The following KLHL29 variants were observed in gnomAD, a reference collection of about 807,000 sequenced individuals.
KLHL29 encodes kelch like family member 29, also known as kelch-like protein 29.
KLHL29 carries 21 observed loss-of-function variants against 80.4 expected under a neutral mutation model. That is an observed-to-expected ratio of 0.26 (90% confidence interval 0.19 to 0.38). The LOEUF is 0.38. Ranked by LOEUF, KLHL29 falls within the 10% of genes least tolerant of loss-of-function variation. KLHL29 has a pLI of 1.00. For synonymous variants in KLHL29, 511 were observed against 526.8 expected (o/e 0.97, Z 0.41); for missense variants, 867 against 1,223.9 (o/e 0.71, Z 4.35).
intron 3 of KLHL29, among the ~76,000 whole-genome samples, chr2:23,621,978 A>G (rs753115455): frequency 2.6e-5 from 4 of 152,182 alleles, no homozygotes; most frequent in African/African-American, 2.4e-5. Context: ...TGAGAGAGAA[A>G]GTCTGGTCCA....
intron 3 of KLHL29, among the ~76,000 whole-genome samples, chr2:23,568,618 T>C (rs1667645091): frequency 6.6e-6 from 1 of 152,192 alleles, no homozygotes; most frequent in Non-Finnish European, 1.5e-5. Flanking sequence ...TCCTGAGGCA[T>C]GTTTGCTAAA....
intron 3 of KLHL29, among the ~76,000 whole-genome samples, chr2:23,613,003 A>T (rs969376663): frequency 1.3e-5 from 2 of 152,204 alleles, no homozygotes; most frequent in African/African-American, 4.8e-5. Flanking sequence ...AAATGAAATT[A>T]TTTTAAGGCC....
Position 23,691,622 on chromosome 2 carries a change from G to A in KLHL29, c.1080-52G>A, listed in dbSNP as rs139138101. 260 of 1,478,078 alleles carry A rather than the reference G, an allele frequency of 1.8e-4. 1 individual carries two copies. In the African/African-American group the frequency reaches 2.2e-3, roughly 13 times the overall value. The allele number at this position is 1,478,078 out of a possible 1,614,324, so 91.6% of individuals were successfully genotyped here. On this transcript the variant is annotated intron_variant, in intron 6 of 13. Coordinates refer to ENST00000486442, the MANE Select transcript of KLHL29 (RefSeq NM_052920.2). Reference sequence around the variant, plus strand: ...GGGAGATCTAGCCCTGTGAGGAAGCGGCACGGTGGCCGCAGGGCAGGAGGT... The same window carrying A: ...GGGAGATCTAGCCCTGTGAGGAAGCAGCACGGTGGCCGCAGGGCAGGAGGT...
chr2:23,542,645 C>T (rs1338451333), intron 2 of KLHL29, among the ~76,000 whole-genome samples: 1 of 152,202 alleles, frequency 6.6e-6, no homozygotes, highest in African/African-American at 2.4e-5. Flanking sequence ...CACTGTCCTT[C>T]CTGCATTCTC....
chr2:23,440,391 G>A (rs1663481194), intron 1 of KLHL29, among the ~76,000 whole-genome samples: 1 of 151,626 alleles, frequency 6.6e-6, no homozygotes, highest in South Asian at 2.1e-4. Flanking sequence ...GAAAACCTAG[G>A]CATTACAATT....
chr2:23,422,418 G>C (rs764957690), intron 1 of KLHL29, among the ~76,000 whole-genome samples: 4 of 151,728 alleles, frequency 2.6e-5, no homozygotes, highest in Non-Finnish European at 5.9e-5. Context: ...TCTGTGTTGT[G>C]TGTGTGCCTG....
intron 3 of KLHL29, among the ~76,000 whole-genome samples, chr2:23,563,583 C>T (rs1282523228): frequency 1.3e-5 from 2 of 152,200 alleles, no homozygotes; most frequent in African/African-American, 2.4e-5. Flanking sequence ...AAGTTAAAGG[C>T]GGGGAGCCCC....
At chr2:23,642,160 AC>A (rs1269116152) in intron 4 of KLHL29, among the ~76,000 whole-genome samples, 177 bp from the exon 5 acceptor site, 1 of 151,644 alleles carries the variant, frequency 6.6e-6, no homozygotes, top group East Asian at 1.9e-4. Context: ...TTGTTCGTAG[AC>A]CCCCTAGCAC....
At chr2:23,549,000 T>C (rs1572393952) in intron 2 of KLHL29, among the ~76,000 whole-genome samples, 1 of 152,206 alleles carries the variant, frequency 6.6e-6, no homozygotes, top group Non-Finnish European at 1.5e-5. Flanking sequence ...CTCCCCAAGC[T>C]GCTGGGAGAG....
chr2:23,593,674 C>A (rs917526065), intron 3 of KLHL29, among the ~76,000 whole-genome samples: 4 of 152,204 alleles, frequency 2.6e-5, no homozygotes, highest in African/African-American at 9.6e-5. Flanking sequence ...GGAGCCTGCT[C>A]CCATCTACTG....
intron 6 of KLHL29, among the ~76,000 whole-genome samples, chr2:23,687,780 TGACTCCACGTTGCTGCAGGGCCG>T (rs1426967719): frequency 6.6e-6 from 1 of 152,008 alleles, no homozygotes; most frequent in African/African-American, 2.4e-5. Flanking sequence ...GTCCCACAGG[TGACTCCACGTTGCTGCAGGGCCG>T]GGTATGAGGG....
chr2:23,452,927 C>T (rs1663929791), intron 1 of KLHL29, among the ~76,000 whole-genome samples: 1 of 151,528 alleles, frequency 6.6e-6, no homozygotes, highest in African/African-American at 2.4e-5. Flanking sequence ...CACACACACA[C>T]ATCCCCCAGC....
chr2:23,478,669 C>T (rs1228581975), intron 2 of KLHL29, among the ~76,000 whole-genome samples: 1 of 152,134 alleles, frequency 6.6e-6, no homozygotes, highest in African/African-American at 2.4e-5. Context: ...GCAGACACCT[C>T]GGGCTCTGGA....
At position 23,695,904 on chromosome 2, in the gene KLHL29, G is replaced by A. The variant is rs72796124; in HGVS notation, c.1742-47G>A. On this transcript the variant is annotated intron_variant, in intron 9 of 13. Transcript: ENST00000486442. The surrounding 1 kb of genome is among the most constrained non-coding windows in gnomAD (Gnocchi z 7.6). ...CAGTGAGGTGCCAGGCACAGATGCC[G>A]ACAGTCTTAGAGTGTGTCCCAAGGG... 2.0e-5 allele frequency: 31 copies of A among 1,539,032 alleles called. No homozygotes were observed. Among genetic ancestry groups the A allele is most frequent in the East Asian group, 2.5e-5 (1 of 40,802 alleles).
chr2:23,433,743 C>T (rs979818225), intron 1 of KLHL29, among the ~76,000 whole-genome samples: 1 of 152,016 alleles, frequency 6.6e-6, no homozygotes, highest in African/African-American at 2.4e-5. Context: ...ATGAGACTCC[C>T]ATCTCTACGA....
intron 3 of KLHL29, among the ~76,000 whole-genome samples, chr2:23,602,323 C>T (rs1451382362): frequency 1.3e-5 from 2 of 152,196 alleles, no homozygotes; most frequent in Non-Finnish European, 2.9e-5. Flanking sequence ...TATTGTGTTA[C>T]CCTTTCTCCT....
intron 2 of KLHL29, among the ~76,000 whole-genome samples, chr2:23,496,492 C>G (rs60195199): frequency 5.3e-5 from 8 of 151,914 alleles, no homozygotes; most frequent in Non-Finnish European, 1.0e-4. Flanking sequence ...CCCTCTCCCC[C>G]ATCCTGCTCC....
intron 5 of KLHL29, among the ~76,000 whole-genome samples, chr2:23,677,754 C>T (rs1015307256): frequency 6.6e-5 from 10 of 152,232 alleles, no homozygotes; most frequent in South Asian, 2.1e-4. Context: ...TGTCAGCATG[C>T]GTCGCGCTCC....
chr2:23,525,831 C>T (rs538198562), intron 2 of KLHL29, among the ~76,000 whole-genome samples: 57 of 151,318 alleles, frequency 3.8e-4, no homozygotes, highest in South Asian at 6.3e-4. Context: ...TCCACCTATT[C>T]GGGCTCATTC....
Sources: allele counts gnomAD v4.1 joint callset (sites outside exome capture counted in the v4.1 genomes callset), GRCh38; gene constraint gnomAD v4.1.1; non-coding constraint Gnocchi (gnomAD v3.1); transcripts MANE v1.5; gene names NCBI Gene and HGNC (gene_info 2026-07-23, HGNC 2026-07-21).